CASP6: variants seen among roughly 807,000 people sequenced by gnomAD.
CASP6 encodes the protein caspase 6, also known as caspase-6.
A neutral mutation model predicts 31.8 loss-of-function variants in CASP6; 20 were observed. The ratio of observed to expected loss-of-function variants is 0.63; its 90% CI spans 0.44 to 0.91. The LOEUF (loss-of-function observed/expected upper bound fraction) is 0.91, where lower values mean the gene tolerates loss of function less well. Among genes scored for constraint, CASP6 ranks in the 40% least tolerant of loss-of-function variants. CASP6 has a pLI of 0.00. For missense variants in CASP6, 328 were observed against 361.1 expected (o/e 0.91, Z 0.74); for synonymous variants, 130 against 127.8 (o/e 1.02, Z -0.12).
the CASP6 span, among the ~76,000 whole-genome samples, chr4:109,669,319 T>C: frequency 6.6e-6 from 1 of 152,180 alleles, no homozygotes; most frequent in Non-Finnish European, 1.5e-5. Flanking sequence ...TTTGTTTTTT[T>C]CTCGGAATGC....
the CASP6 span, chr4:109,673,915 A>G: frequency 1.3e-6 from 1 of 778,552 alleles, no homozygotes; most frequent in South Asian, 1.3e-5. Flanking sequence ...TCGAAAAGCT[A>G]AAGAGGCACC....
chr4:109,705,981 A>T (rs1214013009), upstream of CASP6, among the ~76,000 whole-genome samples: 6 of 52,876 alleles, frequency 1.1e-4, no homozygotes, highest in African/African-American at 7.3e-4. Context: ...CTTTAAAAAA[A>T]AAAAAAAAAA....
intron 1 of CASP6, among the ~76,000 whole-genome samples, chr4:109,703,002 A>G (rs1730470935): frequency 6.6e-6 from 1 of 152,192 alleles, no homozygotes; most frequent in Non-Finnish European, 1.5e-5. Flanking sequence ...GGGGAACGCC[A>G]GGCCCGCGTG....
At chr4:109,707,199 T>C (rs948107363), upstream of CASP6, among the ~76,000 whole-genome samples, 1 of 151,968 alleles carries the variant, frequency 6.6e-6, no homozygotes, top group Non-Finnish European at 1.5e-5. Context: ...TGTGTGACTC[T>C]TTTATTGGTG....
chr4:109,685,010 C>T, downstream of CASP6: 1 of 402,816 alleles, frequency 2.5e-6, no homozygotes, highest in Non-Finnish European at 4.4e-6. Context: ...TTTCTTCCTT[C>T]TTCTTTCCCA....
At chr4:109,682,635 C>T in the CASP6 span, 25 of 1,613,072 alleles carry the variant, frequency 1.5e-5, no homozygotes, top group Non-Finnish European at 2.1e-5. Context: ...ATCTTTGGTT[C>T]ACAGACTATT....
rs1276667211 is a variant in CASP6 at position 109,689,148 on chromosome 4, T to G, written c.*182A>C. The G allele has an allele frequency of 9.2e-6, 5 of 543,060 alleles. No homozygotes were observed. In the East Asian group the frequency reaches 1.3e-4, roughly 14 times the overall value. 33.6% of individuals were successfully genotyped at this position (543,060 alleles called of 1,614,324 possible). A position where few individuals can be genotyped will look rare whatever the true frequency, so the allele number is the denominator to read the frequency against. On this transcript the variant is annotated 3_prime_UTR_variant, in exon 7 of 7. Coordinates refer to ENST00000265164, the MANE Select transcript of CASP6 (RefSeq NM_001226.4). ...GCGCCGCCATGCCTAGCTAAATTTT[T>G]TTTTGCATTTTTAGTAGAGACGGGG...
At chr4:109,682,971 G>T in the CASP6 span, 1 of 409,008 alleles carries the variant, frequency 2.4e-6, no homozygotes, top group Non-Finnish European at 4.4e-6. Context: ...GAGCTCACGT[G>T]GCCTGTGTTC....
chr4:109,694,474 T>C, intron 5 of CASP6, 51 bp downstream of exon 5: 2 of 1,437,514 alleles, frequency 1.4e-6, no homozygotes, highest in South Asian at 1.6e-5. Context: ...CTTTATCACA[T>C]GTTCAGAATG....
chr4:109,673,864 T>TAC, the CASP6 span: 2 of 768,138 alleles, frequency 2.6e-6, no homozygotes, highest in Non-Finnish European at 4.8e-6. Flanking sequence ...CACAGGTGTT[T>TAC]CTCTTCCTTC....
chr4:109,702,076 G>A (rs765192521), intron 1 of CASP6, among the ~76,000 whole-genome samples: 1 of 152,194 alleles, frequency 6.6e-6, no homozygotes, highest in Non-Finnish European at 1.5e-5. Flanking sequence ...ATCAGGCCTA[G>A]AACATGCACT....
At chr4:109,705,088 CAA>C (rs1730557339), upstream of CASP6, among the ~76,000 whole-genome samples, 1 of 152,196 alleles carries the variant, frequency 6.6e-6, no homozygotes, top group Non-Finnish European at 1.5e-5. Flanking sequence ...AGAGAGAAGT[CAA>C]TGCCTGTCTT....
chr4:109,706,971 C>T (rs1340202580), upstream of CASP6, among the ~76,000 whole-genome samples: 6 of 152,166 alleles, frequency 3.9e-5, no homozygotes, highest in Admixed American at 6.5e-5. Flanking sequence ...CCAGTCATCC[C>T]AGCCTTCAGC....
At chr4:109,671,483 T>C in the CASP6 span, among the ~76,000 whole-genome samples, 1 of 152,224 alleles carries the variant, frequency 6.6e-6, no homozygotes, top group Non-Finnish European at 1.5e-5. Flanking sequence ...GCTGACTGAT[T>C]CTTTCCTCCC....
At chr4:109,703,465 C>G (rs1329706194), upstream of CASP6, 2 of 1,560,330 alleles carry the variant, frequency 1.3e-6, no homozygotes, top group East Asian at 4.7e-5. Context: ...GGCCCGGCCC[C>G]GCCCTCGGCC....
chr4:109,689,941 T>A (rs1342118279), intron 6 of CASP6, among the ~76,000 whole-genome samples: 1 of 152,074 alleles, frequency 6.6e-6, no homozygotes, highest in Non-Finnish European at 1.5e-5. Context: ...TCCCAGCACT[T>A]TGGGAGGCTG....
In CASP6 at chr4:109,697,641, T is replaced by C; in HGVS notation, c.211A>G (p.Arg71Gly). Reference protein sequence around the residue: ...LPERRGTCADRDNLTRRFSDL... With the variant: ...LPERRGTCADGDNLTRRFSDL... ...TACTACCTGCGGGTAAGATTGTCTC[T>C]ATCTGCGCAGGTGCCCCGCCTTTCT... The change falls in exon 3 of 7, where the codon AGA becomes GGA. Residue 71 changes from arginine (R) to glycine (G), a missense_variant. Arg to Gly is a moderately radical substitution (Grantham distance 125, BLOSUM62 -2). Coordinates refer to ENST00000265164, the MANE Select transcript of CASP6 (RefSeq NM_001226.4). 1.2e-6 allele frequency: 2 copies of C among 1,611,566 alleles called. No individual in the cohort carries two copies. The highest frequency in any genetic ancestry group is 1.7e-6 in the Non-Finnish European group (2 of 1,179,200).
At chr4:109,672,090 T>A in the CASP6 span, among the ~76,000 whole-genome samples, 3 of 151,868 alleles carry the variant, frequency 2.0e-5, no homozygotes, top group Admixed American at 6.6e-5. Flanking sequence ...ATATATATAT[T>A]TTTAATTGGG....
At chr4:109,705,992 AAAAAAAAAAATAT>A (rs1389476583), upstream of CASP6, among the ~76,000 whole-genome samples, 4 of 72,752 alleles carry the variant, frequency 5.5e-5, no homozygotes, top group African/African-American at 3.1e-4. Context: ...AAAAAAAAAA[AAAAAAAAAAATAT>A]ATATATATAT....
Sources: gnomAD v4.1 joint callset for allele counts (sites outside exome capture counted in the v4.1 genomes callset) on GRCh38, gnomAD v4.1.1 for gene constraint, MANE v1.5 for transcripts, NCBI Gene and HGNC (gene_info 2026-07-23, HGNC 2026-07-21) for gene names.